GAPVD1: variants seen among roughly 807,000 people sequenced by gnomAD.
GAPVD1 encodes GTPase activating protein and VPS9 domains 1.
Under a neutral mutation model 155.5 loss-of-function variants are expected in GAPVD1, and 35 were observed. That is an observed-to-expected ratio of 0.23 (90% CI 0.17 to 0.30). The LOEUF (loss-of-function observed/expected upper bound fraction) is 0.30. Among genes scored for constraint, GAPVD1 ranks in the 10% least tolerant of loss-of-function variants. The pLI is 1.00. For missense variants in GAPVD1, 1,429 were observed against 1,775.7 expected, an observed-to-expected ratio of 0.80 and a Z score of 3.51; for synonymous variants, 636 against 619.7, an observed-to-expected ratio of 1.03 and a Z score of -0.39.
At chr9:125,294,322 T>C (rs1016054280) in intron 2 of GAPVD1, among the ~76,000 whole-genome samples, 10 of 151,080 alleles carry the variant, frequency 6.6e-5, no homozygotes, top group Admixed American at 5.9e-4. Context: ...ATTACAGGCA[T>C]GAGCCACTGC....
chr9:125,328,237 G>T, intron 12 of GAPVD1, among the ~76,000 whole-genome samples: 1 of 125,582 alleles, frequency 8.0e-6, no homozygotes, highest in Admixed American at 8.1e-5. Context: ...ATTCTTGGGT[G>T]TTTCTCACAG....
chr9:125,343,244 T>A (rs1848071120), intron 19 of GAPVD1, among the ~76,000 whole-genome samples: 1 of 152,032 alleles, frequency 6.6e-6, no homozygotes, highest in Non-Finnish European at 1.5e-5. Flanking sequence ...TAGTGTATTT[T>A]ATGTGTGGCC....
At chr9:125,272,495 A>G (rs932023568) in intron 2 of GAPVD1, among the ~76,000 whole-genome samples, 2 of 152,190 alleles carry the variant, frequency 1.3e-5, no homozygotes, top group Non-Finnish European at 2.9e-5. Flanking sequence ...AGGCCTCTCT[A>G]TGAATAAGTT....
intron 1 of GAPVD1, chr9:125,263,751 T>G (rs1349499605): frequency 2.2e-6 from 2 of 891,308 alleles, no homozygotes; most frequent in East Asian, 4.8e-5. Flanking sequence ...CTTCCCCTCT[T>G]GTGAGTCTCG....
At position 125,332,036 on chromosome 9, in the gene GAPVD1, ACACCAGG is replaced by A; in HGVS notation, c.2286_2292del (p.Pro763SerfsTer7). 6.2e-7 allele frequency: 1 copy of A among 1,614,082 alleles called. No homozygotes were observed. The highest frequency in any genetic ancestry group is 1.7e-5 in the Admixed American group (1 of 60,000). ...CAGGGAGGTCAGTTCCCGCCCCAGC[ACACCAGG>A]CCTCAGTGTTGTGTCCGGTATGTCT... On this transcript the variant is annotated frameshift_variant, in exon 14 of 28. Coordinates refer to ENST00000297933, the MANE Select transcript of GAPVD1 (RefSeq NM_001282680.3). LOFTEE classifies it high-confidence loss of function.
chr9:125,325,221 A>C (rs1398685802), intron 11 of GAPVD1, among the ~76,000 whole-genome samples: 91 of 132,890 alleles, frequency 6.8e-4, no homozygotes, highest in Non-Finnish European at 2.3e-4. Context: ...TGAGACTCTG[A>C]TTGAAAAAAA....
chr9:125,360,573 A>C lies in GAPVD1; in HGVS notation c.4090A>C (p.Arg1364=), dbSNP rs367593326. The C allele has an allele frequency of 1.2e-6, 2 of 1,613,994 alleles. No individual in the cohort carries two copies. Among genetic ancestry groups the C allele is most frequent in the Non-Finnish European group, 1.7e-6 (2 of 1,179,964 alleles). ...ATGGCCATCTGCACAATCAGAAATC[A>C]GGACAATAAGTGCTTATAAAACCCC... ...APWPSAQSEI[R]TISAYKTPRD... The change falls in exon 27 of 28, where the codon AGG becomes CGG. Residue 1364 remains arginine (R), a synonymous_variant. Transcript: ENST00000297933.
chr9:125,301,197 G>A (rs987483540), intron 4 of GAPVD1, among the ~76,000 whole-genome samples: 4 of 151,868 alleles, frequency 2.6e-5, no homozygotes, highest in Non-Finnish European at 4.4e-5. Context: ...AGCCTCCTGA[G>A]TGCTGGGCCT....
rs748884171 is a variant in GAPVD1 at position 125,272,169 on chromosome 9, G to A, written c.-150+3185G>A. ...CACCTGAGTAGCTGGGATTACAGGC[G>A]CCTGCCACCCTGCCTGGCTAATTTC... On this transcript the variant is annotated intron_variant, in intron 2 of 27. Coordinates refer to ENST00000297933, the MANE Select transcript of GAPVD1 (RefSeq NM_001282680.3). 2.6e-5 allele frequency among the ~76,000 whole-genome samples: 4 copies of A among 151,982 alleles called. No homozygotes were observed. The East Asian group carries it at 7.7e-4, about 29-fold the overall frequency.
intron 5 of GAPVD1, among the ~76,000 whole-genome samples, chr9:125,303,570 A>G (rs1841287194): frequency 6.6e-6 from 1 of 151,934 alleles, no homozygotes; most frequent in African/African-American, 2.4e-5. Flanking sequence ...TGATGTCCAG[A>G]GTTTGAGACC....
chr9:125,276,544 C>T (rs923892066), intron 2 of GAPVD1, among the ~76,000 whole-genome samples: 36 of 152,096 alleles, frequency 2.4e-4, no homozygotes, highest in African/African-American at 8.7e-4. Context: ...CAAAAATTAG[C>T]TGAGCGTGAT....
intron 2 of GAPVD1, among the ~76,000 whole-genome samples, chr9:125,284,532 G>A (rs1040859671): frequency 1.3e-5 from 2 of 150,836 alleles, no homozygotes; most frequent in Non-Finnish European, 3.0e-5. Flanking sequence ...GGCTGTTCTC[G>A]AACTCCTGGC....
Position 125,312,474 on chromosome 9 carries a change from C to T in GAPVD1, c.1464C>T (p.Thr488=). Residue 488 remains threonine, a synonymous_variant, in exon 9 of 28, where the codon ACC becomes ACT. Transcript: ENST00000297933. ...TAGCAACTCGGAGCAGAAGCCGCAC[C>T]AATATGCTAATGGACCTACATATGG... is the stretch of plus-strand genomic sequence containing the variant. ...LPIATRSRSR[T]NMLMDLHMDH... The T allele has an allele frequency of 1.9e-6, 3 of 1,590,984 alleles. No individual in the cohort carries two copies. In the South Asian group the frequency reaches 3.5e-5, roughly 19 times the overall value.
At chr9:125,289,674 G>GT (rs1838278094) in intron 2 of GAPVD1, among the ~76,000 whole-genome samples, 1 of 152,002 alleles carries the variant, frequency 6.6e-6, no homozygotes, top group Admixed American at 6.6e-5. Flanking sequence ...TTTGAGATGC[G>GT]TATTAGACAA....
intron 23 of GAPVD1, among the ~76,000 whole-genome samples, chr9:125,351,948 C>T (rs1302937105): frequency 6.6e-6 from 1 of 152,140 alleles, no homozygotes; most frequent in African/African-American, 2.4e-5. Context: ...ACCATATTAG[C>T]CAGGCTGGTC....
intron 9 of GAPVD1, among the ~76,000 whole-genome samples, chr9:125,320,726 C>T (rs185975548): frequency 7.0e-4 from 106 of 152,010 alleles, no homozygotes; most frequent in African/African-American, 2.4e-3. Context: ...CCCAGGTTCA[C>T]GCCATTCTTC....
At chr9:125,321,305 T>C in intron 9 of GAPVD1, 128 bp from the exon 10 acceptor site, 1 of 631,224 alleles carries the variant, frequency 1.6e-6, no homozygotes, top group Non-Finnish European at 2.7e-6. Context: ...TTGACAGACC[T>C]TCTAAATAGG....
intron 9 of GAPVD1, among the ~76,000 whole-genome samples, chr9:125,319,553 G>A (rs150402247): frequency 2.1e-5 from 3 of 144,242 alleles, no homozygotes; most frequent in South Asian, 2.2e-4. Flanking sequence ...TGTGTGCCAC[G>A]ACGCCTGGCC....
At position 125,323,794 on chromosome 9, in the gene GAPVD1, C is replaced by G; in HGVS notation, c.1733-4C>G. On this transcript the variant is annotated splice_region_variant and splice_polypyrimidine_tract_variant and intron_variant, in intron 10 of 27. Transcript: ENST00000297933. ...GATTGCTCACACTATAAACATTTCT[C>G]TAGGTCCTTCAAATCGCTCCAATTC... 1.9e-6 allele frequency: 3 copies of G among 1,613,692 alleles called. No homozygotes were observed. The highest frequency in any genetic ancestry group is 2.5e-6 in the Non-Finnish European group (3 of 1,179,694).
Sources: gnomAD v4.1 joint callset for allele counts (sites outside exome capture counted in the v4.1 genomes callset) on GRCh38, gnomAD v4.1.1 for gene constraint, MANE v1.5 for transcripts, NCBI Gene and HGNC (gene_info 2026-07-23, HGNC 2026-07-21) for gene names.